The following TMEM74 variants were observed in gnomAD, a reference collection of about 807,000 sequenced individuals.
TMEM74 encodes the protein transmembrane protein 74.
A neutral mutation model predicts 18.1 loss-of-function variants in TMEM74; 13 were observed. The observed-to-expected ratio is 0.72, with a 90% confidence interval of 0.47 to 1.14. TMEM74 has a LOEUF of 1.14. Ranked by LOEUF, TMEM74 falls within the 50% of genes most tolerant of loss-of-function variation. The pLI is 0.00. For synonymous variants in TMEM74, 159 were observed against 146.6 expected, an observed-to-expected ratio of 1.08 and a Z score of -0.61; for missense variants, 372 against 375.9, an observed-to-expected ratio of 0.99 and a Z score of 0.09.
chr8:108,787,306 C>T (rs1366956079), intron 1 of TMEM74, among the ~76,000 whole-genome samples, 170 bp downstream of exon 1: 5 of 152,174 alleles, frequency 3.3e-5, no homozygotes, highest in African/African-American at 9.7e-5. Context: ...TCCGGCTATC[C>T]ATTTCTGGTG....
chr8:108,630,320 T>TC (rs143646050), intron 2 of TMEM74, among the ~76,000 whole-genome samples: 31,794 of 151,752 alleles, frequency 0.21, 3,322 homozygotes, highest in East Asian at 0.27. Context: ...AGCACCCAGA[T>TC]TCATAAAACA....
chr8:108,734,831 G>A lies in TMEM74; in HGVS notation n.119+52645C>T, dbSNP rs187586907. On this transcript the variant is annotated intron_variant and non_coding_transcript_variant, in intron 1 of 3. Transcript: ENST00000518838. ...GGAAGCTGCTTATTATCACATTCAG[G>A]CCTGTGTATGGCACTAGGCATTCCT... Among the ~76,000 whole-genome samples the A allele has an allele frequency of 1.5e-3, 227 of 152,172 alleles. 1 individual carries two copies. The highest frequency in any genetic ancestry group is 5.2e-3 in the African/African-American group (215 of 41,522).
chr8:108,714,386 A>G (rs1050278604), intron 1 of TMEM74, among the ~76,000 whole-genome samples: 2 of 152,216 alleles, frequency 1.3e-5, no homozygotes, highest in Non-Finnish European at 2.9e-5. Flanking sequence ...ATACTAGGAT[A>G]GTTAGATGAA....
At position 108,726,106 on chromosome 8, in the gene TMEM74, C is replaced by T. The variant is rs1483225551; in HGVS notation, n.119+61370G>A. Reference sequence around the variant, plus strand: ...ATTGGGCCTGCTTCTTGTGGCTCAACTAGTGAGACCCGGGGTAAAATCCCT... The same window carrying T: ...ATTGGGCCTGCTTCTTGTGGCTCAATTAGTGAGACCCGGGGTAAAATCCCT... On this transcript the variant is annotated intron_variant and non_coding_transcript_variant, in intron 1 of 3. Coordinates refer to the TMEM74 transcript ENST00000518838. 1.3e-5 allele frequency among the ~76,000 whole-genome samples: 2 copies of T among 152,126 alleles called. 1 individual carries two copies. Among genetic ancestry groups the T allele is most frequent in the Non-Finnish European group, 2.9e-5 (2 of 68,018 alleles).
At chr8:108,731,831 G>A (rs181578633) in intron 1 of TMEM74, among the ~76,000 whole-genome samples, 41 of 152,010 alleles carry the variant, frequency 2.7e-4, no homozygotes, top group Middle Eastern at 3.5e-3. Flanking sequence ...TTTCCTATAA[G>A]AGAGATTTTT....
intron 2 of TMEM74, among the ~76,000 whole-genome samples, chr8:108,615,677 G>A (rs1486989750): frequency 6.6e-6 from 1 of 152,114 alleles, no homozygotes; most frequent in Non-Finnish European, 1.5e-5. Flanking sequence ...GAAACGTGAT[G>A]TTCATACCAG....
intron 1 of TMEM74, among the ~76,000 whole-genome samples, chr8:108,690,331 AT>A (rs1203389075): frequency 6.6e-6 from 1 of 151,528 alleles, no homozygotes; most frequent in Admixed American, 6.6e-5. Context: ...AAGTAATACC[AT>A]TTTCCCATTA....
downstream of TMEM74, among the ~76,000 whole-genome samples, chr8:108,775,363 C>G (rs1436883840): frequency 2.0e-5 from 3 of 152,174 alleles, no homozygotes; most frequent in Admixed American, 6.5e-5. Flanking sequence ...GCTGTTCTAG[C>G]ACATTTTCTA....
chr8:108,709,808 GT>G (rs999323376), intron 1 of TMEM74, among the ~76,000 whole-genome samples: 1 of 152,178 alleles, frequency 6.6e-6, no homozygotes, highest in African/African-American at 2.4e-5. Context: ...GGTATATTGT[GT>G]TTGGATTGTC....
intron 1 of TMEM74, among the ~76,000 whole-genome samples, chr8:108,694,774 G>C (rs1208534920): frequency 1.3e-5 from 2 of 152,210 alleles, no homozygotes; most frequent in Non-Finnish European, 2.9e-5. Flanking sequence ...AACTATGGAA[G>C]AGGAGAAACA....
At chr8:108,707,283 A>G (rs1429813335) in intron 1 of TMEM74, among the ~76,000 whole-genome samples, 6 of 151,910 alleles carry the variant, frequency 3.9e-5, no homozygotes, top group Non-Finnish European at 8.8e-5. Context: ...ATGTACACCT[A>G]TGTAACAAAC....
chr8:108,618,396 A>C (rs964409419), intron 2 of TMEM74, among the ~76,000 whole-genome samples: 1 of 152,126 alleles, frequency 6.6e-6, no homozygotes, highest in Non-Finnish European at 1.5e-5. Flanking sequence ...ACTTCACTGT[A>C]AATGGAAAAT....
chr8:108,682,628 G>T (rs940572785), intron 1 of TMEM74, among the ~76,000 whole-genome samples: 59 of 152,004 alleles, frequency 3.9e-4, no homozygotes, highest in African/African-American at 1.4e-3. Context: ...GAAAATGGTA[G>T]AGTTAGACTA....
chr8:108,704,682 C>A (rs10098980), intron 1 of TMEM74, among the ~76,000 whole-genome samples: 22,817 of 152,120 alleles, frequency 0.15, 1,997 homozygotes, highest in East Asian at 0.3. Context: ...TTGGAGAAGA[C>A]AGAAAAGTAA....
intron 2 of TMEM74, among the ~76,000 whole-genome samples, chr8:108,635,908 G>T (rs1305778124): frequency 6.6e-6 from 1 of 152,112 alleles, no homozygotes; most frequent in Non-Finnish European, 1.5e-5. Context: ...TCTTCAAATG[G>T]ACAGAGTGGC....
At chr8:108,613,267 A>G (rs1448376868) in intron 2 of TMEM74, among the ~76,000 whole-genome samples, 4 of 152,128 alleles carry the variant, frequency 2.6e-5, no homozygotes, top group African/African-American at 9.7e-5. Context: ...AGTTGGTGCT[A>G]CTGACTTGGA....
chr8:108,768,345 T>A (rs1233627217), intron 1 of TMEM74, among the ~76,000 whole-genome samples: 1 of 152,176 alleles, frequency 6.6e-6, no homozygotes, highest in Non-Finnish European at 1.5e-5. Flanking sequence ...GACATCCTAA[T>A]TTATTATTTA....
intron 1 of TMEM74, among the ~76,000 whole-genome samples, chr8:108,765,829 A>G (rs1814100198): frequency 1.3e-5 from 2 of 152,216 alleles, no homozygotes; most frequent in African/African-American, 2.4e-5. Flanking sequence ...ACTTACATAC[A>G]ATAAATGGAA....
chr8:108,616,446 T>C (rs571547584), intron 2 of TMEM74, among the ~76,000 whole-genome samples: 2 of 152,320 alleles, frequency 1.3e-5, no homozygotes, highest in South Asian at 4.1e-4. Context: ...ACTCATTTTA[T>C]TTTATTAGAT....
Sources: allele counts gnomAD v4.1 joint callset (sites outside exome capture counted in the v4.1 genomes callset), GRCh38; gene constraint gnomAD v4.1.1; transcripts MANE v1.5; gene names NCBI Gene and HGNC (gene_info 2026-07-23, HGNC 2026-07-21).